The following FOXP2 variants were observed in gnomAD, a reference collection of about 807,000 sequenced individuals.
FOXP2 encodes forkhead box P2.
A neutral mutation model predicts 115.8 loss-of-function variants in FOXP2; 12 were observed. The ratio of observed to expected loss-of-function variants is 0.10; its 90% CI spans 0.07 to 0.17. FOXP2 has a LOEUF of 0.17. FOXP2 is among the 10% of genes least tolerant of loss of function. The pLI is 1.00. For missense variants in FOXP2, 629 were observed against 843.5 expected (o/e 0.75, Z 3.15); for synonymous variants, 328 against 297.7 (o/e 1.10, Z -1.05).
At chr7:114,149,808 C>T (rs1792483265) in intron 1 of FOXP2, among the ~76,000 whole-genome samples, 3 of 151,958 alleles carry the variant, frequency 2.0e-5, no homozygotes, top group Non-Finnish European at 2.9e-5. Context: ...TTAGTACGCT[C>T]ATGTTGAGTT....
Position 114,415,185 on chromosome 7 carries a change from T to TA in FOXP2, c.-185dup. 1 of 454,184 alleles carries TA rather than the reference T, an allele frequency of 2.2e-6. No individual in the cohort carries two copies. Among genetic ancestry groups the TA allele is most frequent in the Middle Eastern group, 6.8e-4 (1 of 1,466 alleles). 28.1% of individuals were successfully genotyped at this position (454,184 alleles called of 1,614,324 possible). A position where few individuals can be genotyped will look rare whatever the true frequency, so the allele number is the denominator to read the frequency against. ...AGAGGTGTACTCACAGTAGTGTAAA[T>TA]ACTGCTGTAAATAGTTGTCTGATGG... On this transcript the variant is annotated 5_prime_UTR_variant, in exon 1 of 17. The change creates a premature stop within an existing upstream ORF in the 5' untranslated region. Coordinates refer to ENST00000350908, the MANE Select transcript of FOXP2 (RefSeq NM_014491.4).
intron 1 of FOXP2, among the ~76,000 whole-genome samples, chr7:114,416,662 A>G (rs1233211718): frequency 6.6e-6 from 1 of 151,920 alleles, no homozygotes; most frequent in African/African-American, 2.4e-5. Context: ...AAATCTGATT[A>G]TCTATAGTTG....
chr7:114,597,957 G>A (rs1584937777), intron 3 of FOXP2, among the ~76,000 whole-genome samples: 3 of 152,066 alleles, frequency 2.0e-5, no homozygotes, highest in South Asian at 2.1e-4. Flanking sequence ...ATGCAAAAAT[G>A]TTCTTGTAAA....
At chr7:114,402,090 C>T (rs1366305016) in intron 2 of FOXP2, among the ~76,000 whole-genome samples, 1 of 151,974 alleles carries the variant, frequency 6.6e-6, no homozygotes, top group Non-Finnish European at 1.5e-5. Flanking sequence ...CCACTGCACT[C>T]CAGCCTATGC....
At chr7:114,298,882 A>G (rs1796813444) in intron 2 of FOXP2, among the ~76,000 whole-genome samples, 1 of 152,168 alleles carries the variant, frequency 6.6e-6, no homozygotes, top group African/African-American at 2.4e-5. Flanking sequence ...TATTTTAAAT[A>G]AGTCACTTTA....
intron 2 of FOXP2, among the ~76,000 whole-genome samples, chr7:114,403,543 C>T (rs1270464608): frequency 6.6e-6 from 1 of 152,052 alleles, no homozygotes; most frequent in Non-Finnish European, 1.5e-5. Flanking sequence ...TATTATTTAC[C>T]ATAGAACCCA....
chr7:114,345,331 A>G (rs886299922), intron 2 of FOXP2, among the ~76,000 whole-genome samples: 4 of 151,820 alleles, frequency 2.6e-5, no homozygotes, highest in East Asian at 3.9e-4. Flanking sequence ...TATGATTTTG[A>G]TAGTTGTATA....
At chr7:114,532,258 A>G (rs1014135750) in intron 2 of FOXP2, among the ~76,000 whole-genome samples, 12 of 152,074 alleles carry the variant, frequency 7.9e-5, no homozygotes, top group East Asian at 1.9e-4. Flanking sequence ...GGCAGTAGCC[A>G]TTAAAACAGT....
chr7:114,271,641 T>A (rs1256086681), intron 1 of FOXP2, among the ~76,000 whole-genome samples: 3 of 119,978 alleles, frequency 2.5e-5, no homozygotes, highest in Non-Finnish European at 4.9e-5. Context: ...AATATAATTA[T>A]TAATTATTAT....
At chr7:114,119,603 C>T (rs139863302) in intron 1 of FOXP2, among the ~76,000 whole-genome samples, 28 of 151,946 alleles carry the variant, frequency 1.8e-4, no homozygotes, top group Admixed American at 8.5e-4. Flanking sequence ...TCCAACTACT[C>T]GGGAGGCTGA....
At chr7:114,448,903 T>C (rs1794953711) in intron 2 of FOXP2, among the ~76,000 whole-genome samples, 1 of 152,126 alleles carries the variant, frequency 6.6e-6, no homozygotes, top group Non-Finnish European at 1.5e-5. Flanking sequence ...AAAACTGGAA[T>C]GGAACATTTT....
intron 2 of FOXP2, among the ~76,000 whole-genome samples, chr7:114,330,486 ATATATATATATGTG>A (rs1797678347): frequency 6.7e-6 from 1 of 149,122 alleles, no homozygotes; most frequent in Non-Finnish European, 1.5e-5. Context: ...AAAAGTTTAT[ATATATATATATGTG>A]TATATATATA....
chr7:114,654,978 C>G (rs559909476), intron 10 of FOXP2, among the ~76,000 whole-genome samples: 1 of 152,158 alleles, frequency 6.6e-6, no homozygotes, highest in East Asian at 1.9e-4. Context: ...TATATTTAAA[C>G]TCTGCTAAGC....
chr7:114,329,992 T>A (rs1797661322), intron 2 of FOXP2, among the ~76,000 whole-genome samples: 1 of 152,126 alleles, frequency 6.6e-6, no homozygotes, highest in Admixed American at 6.6e-5. Context: ...CAGTTTTTCT[T>A]TTAGTTGTTA....
At chr7:114,365,230 A>G (rs547788419) in intron 2 of FOXP2, among the ~76,000 whole-genome samples, 1 of 152,138 alleles carries the variant, frequency 6.6e-6, no homozygotes, top group Admixed American at 6.5e-5. Context: ...ATTTTGTAAG[A>G]GGTGACCTTA....
intron 1 of FOXP2, among the ~76,000 whole-genome samples, chr7:114,214,512 T>A (rs1794439135): frequency 6.6e-6 from 1 of 152,190 alleles, no homozygotes; most frequent in Non-Finnish European, 1.5e-5. Context: ...AAAATCATCT[T>A]ATATCCTTTT....
intron 2 of FOXP2, among the ~76,000 whole-genome samples, chr7:114,384,494 G>T (rs542302100): frequency 6.6e-6 from 1 of 152,208 alleles, no homozygotes; most frequent in African/African-American, 2.4e-5. Context: ...AAGAGTCTCC[G>T]TATCAATGAC....
chr7:114,298,150 CA>C (rs1562860015), intron 2 of FOXP2, among the ~76,000 whole-genome samples: 1 of 152,114 alleles, frequency 6.6e-6, no homozygotes. Flanking sequence ...GGAAATCTGA[CA>C]AAGCTTAGTT....
intron 2 of FOXP2, among the ~76,000 whole-genome samples, chr7:114,299,343 AC>A (rs1188488532): frequency 6.6e-6 from 1 of 151,950 alleles, no homozygotes; most frequent in Non-Finnish European, 1.5e-5. Flanking sequence ...TGCTAACAGA[AC>A]CCTGATGTTA....
Sources: gnomAD v4.1 joint callset for allele counts (sites outside exome capture counted in the v4.1 genomes callset) on GRCh38, gnomAD v4.1.1 for gene constraint, MANE v1.5 for transcripts, NCBI Gene and HGNC (gene_info 2026-07-23, HGNC 2026-07-21) for gene names.